Variants in KTN1 observed in about 807,000 individuals in gnomAD.
KTN1 encodes the protein kinectin 1.
In KTN1, 130 loss-of-function variants were observed where a neutral mutation model predicts 222.5. The observed-to-expected ratio is 0.58, with a 90% CI of 0.51 to 0.68. The LOEUF (loss-of-function observed/expected upper bound fraction) is 0.68, where lower values mean the gene tolerates loss of function less well. KTN1 is among the 30% of genes least tolerant of loss of function. KTN1 has a pLI of 0.00. For missense variants in KTN1, 1,508 were observed against 1,500.4 expected (o/e 1.01, Z -0.08); for synonymous variants, 512 against 496.3 (o/e 1.03, Z -0.42).
Position 55,618,106 on chromosome 14 carries a change from T to G in KTN1, c.804T>G (p.Thr268=), listed in dbSNP as rs990914701. ...DQVEGIQKSG[T]KKLKTETDKE... is the part of the protein sequence containing the mutation. ...TAGAAGGGATCCAGAAATCTGGGAC[T>G]AAAAAACTGAAGACCGAAACTGACA... The change falls in exon 4 of 44, where the codon ACT becomes ACG. Residue 268 remains threonine (T), a synonymous_variant. Coordinates refer to ENST00000395314, the MANE Select transcript of KTN1 (RefSeq NM_001079521.2). 7 of 1,611,898 alleles carry G rather than the reference T, an allele frequency of 4.3e-6. No individual in the cohort carries two copies. The highest frequency in any genetic ancestry group is 1.1e-5 in the South Asian group (1 of 90,758).
At chr14:55,624,189 G>A (rs1262947381) in intron 5 of KTN1, among the ~76,000 whole-genome samples, 1 of 152,194 alleles carries the variant, frequency 6.6e-6, no homozygotes, top group Admixed American at 6.5e-5. Context: ...GTAAGACTAG[G>A]TAAGTTGAAT....
chr14:55,600,089 T>C (rs1025871608), intron 1 of KTN1, among the ~76,000 whole-genome samples: 16 of 150,528 alleles, frequency 1.1e-4, no homozygotes, highest in Non-Finnish European at 2.1e-4. Context: ...TCATGTTCAG[T>C]TTGTGAGATG....
At chr14:55,636,894 A>G (rs1049048243) in intron 10 of KTN1, among the ~76,000 whole-genome samples, 1 of 151,728 alleles carries the variant, frequency 6.6e-6, no homozygotes, top group Non-Finnish European at 1.5e-5. Context: ...AAAACAGAGC[A>G]TTACCATCCC....
chr14:55,671,732 T>C (rs977274816), intron 36 of KTN1, 53 bp from the exon 37 acceptor site: 14 of 1,534,172 alleles, frequency 9.1e-6, no homozygotes, highest in Admixed American at 1.7e-5. Context: ...TAAATAGTTT[T>C]ATCTTGGCAT....
intron 2 of KTN1, among the ~76,000 whole-genome samples, chr14:55,616,103 T>G (rs1035863880): frequency 1.3e-5 from 2 of 151,814 alleles, no homozygotes; most frequent in Non-Finnish European, 2.9e-5. Flanking sequence ...TTCGTAGAGA[T>G]GGAGTTTTGT....
intron 42 of KTN1, 84 bp downstream of exon 42, chr14:55,678,528 C>G: frequency 1.3e-6 from 1 of 779,894 alleles, no homozygotes. Context: ...GGTCCATCTC[C>G]GAAAGTCATC....
chr14:55,644,924 A>C (rs968806329), intron 18 of KTN1, among the ~76,000 whole-genome samples: 2 of 152,278 alleles, frequency 1.3e-5, no homozygotes, highest in Admixed American at 6.5e-5. Context: ...TTCATTAAAA[A>C]AAATTCATCA....
In KTN1 at chr14:55,637,190, T is replaced by C; in HGVS notation, c.1550-8T>C. 6.3e-7 allele frequency: 1 copy of C among 1,581,960 alleles called. No individual in the cohort carries two copies. On this transcript the variant is annotated splice_polypyrimidine_tract_variant and splice_region_variant and intron_variant, in intron 10 of 43. Transcript: ENST00000395314. ...GAGACCTCTGTAAAATGTAATGTTT[T>C]ATTACAGATTTACAGAGTAAATTTG...
At chr14:55,678,228 A>AG (rs1280855140) in intron 41 of KTN1, 124 bp from the exon 42 acceptor site, 2 of 613,588 alleles carry the variant, frequency 3.3e-6, no homozygotes, top group African/African-American at 1.9e-5. Context: ...TTCATTTTGG[A>AG]GGGAAAAACC....
In KTN1 at chr14:55,663,858, C is replaced by G. The variant is rs543527087; in HGVS notation, c.3091-97C>G. On this transcript the variant is annotated intron_variant, in intron 32 of 43. Coordinates refer to ENST00000395314, the MANE Select transcript of KTN1 (RefSeq NM_001079521.2). ...TCCCATTGAAATAATTTTGCAGTAA[C>G]CAGCATTTAAATGCAGTGCAAAATA... 3.0e-5 allele frequency: 21 copies of G among 704,244 alleles called. No homozygotes were observed. The African/African-American group carries it at 3.9e-4, about 13-fold the overall frequency. The allele number at this position is 704,244 out of a possible 1,614,324, so 43.6% of individuals were successfully genotyped here.
intron 28 of KTN1, among the ~76,000 whole-genome samples, chr14:55,655,707 G>A (rs1270347546): frequency 1.3e-5 from 2 of 152,080 alleles, no homozygotes; most frequent in Admixed American, 1.3e-4. Flanking sequence ...AATTTCCAGG[G>A]TCAACAAATT....
At chr14:55,623,695 C>T (rs888512102) in intron 5 of KTN1, among the ~76,000 whole-genome samples, 1 of 152,136 alleles carries the variant, frequency 6.6e-6, no homozygotes, top group Non-Finnish European at 1.5e-5. Flanking sequence ...AGAATTTGTC[C>T]TTCGGTTTAT....
intron 24 of KTN1, 46 bp from the exon 25 acceptor site, chr14:55,651,844 A>G (rs2042958283): frequency 8.0e-7 from 1 of 1,242,980 alleles, no homozygotes. Context: ...TTAATAAGTT[A>G]AATTGAAAGG....
At chr14:55,625,576 T>C (rs560176521) in intron 5 of KTN1, among the ~76,000 whole-genome samples, 1 of 152,288 alleles carries the variant, frequency 6.6e-6, no homozygotes, top group East Asian at 1.9e-4. Context: ...ATTTTATAGT[T>C]TAATGGTGGG....
chr14:55,611,799 T>G lies in KTN1; in HGVS notation c.-30-220T>G, dbSNP rs557424552. On this transcript the variant is annotated intron_variant, in intron 1 of 43. Transcript: ENST00000395314. ...CATGATTTAGAAATGGAAGGATGTT[T>G]TCTACTCCTTCTAGTTACCACTTGT... is the stretch of plus-strand genomic sequence containing the variant. Among the ~76,000 whole-genome samples, 4 of 152,340 alleles carry G rather than the reference T, an allele frequency of 2.6e-5. No homozygotes were observed. In the South Asian group the frequency reaches 8.3e-4, roughly 32 times the overall value.
chr14:55,671,470 C>A, intron 35 of KTN1, 96 bp from the exon 36 acceptor site: 2 of 784,772 alleles, frequency 2.5e-6, no homozygotes, highest in Non-Finnish European at 2.0e-6. Flanking sequence ...ACTTTGAAAC[C>A]ATTTATCATA....
intron 34 of KTN1, 24 bp from the exon 35 acceptor site, chr14:55,670,705 G>C (rs774938216): frequency 6.7e-7 from 1 of 1,484,492 alleles, no homozygotes; most frequent in Admixed American, 2.0e-5. Context: ...GGAAATTAAT[G>C]ATTTTAACTT....
At chr14:55,583,766 A>G (rs1270102578) in intron 1 of KTN1, among the ~76,000 whole-genome samples, 1 of 152,166 alleles carries the variant, frequency 6.6e-6, no homozygotes, top group Non-Finnish European at 1.5e-5. Flanking sequence ...ATGTGCTGTT[A>G]GGCCTATCCA....
chr14:55,643,463 T>C (rs905362435), intron 18 of KTN1, among the ~76,000 whole-genome samples: 2 of 152,192 alleles, frequency 1.3e-5, no homozygotes, highest in African/African-American at 4.8e-5. Flanking sequence ...GTGTTCTTAC[T>C]TGGAAAAGCA....
Sources: gnomAD v4.1 joint callset for allele counts (sites outside exome capture counted in the v4.1 genomes callset) on GRCh38, gnomAD v4.1.1 for gene constraint, MANE v1.5 for transcripts, NCBI Gene and HGNC (gene_info 2026-07-23, HGNC 2026-07-21) for gene names.